The following KDR variants were observed in gnomAD, a reference collection of about 807,000 sequenced individuals.
KDR encodes the protein kinase insert domain receptor, also known as vascular endothelial growth factor receptor 2.
Under a neutral mutation model 160.9 loss-of-function variants are expected in KDR, and 43 were observed. That is an observed-to-expected ratio of 0.27 (90% CI 0.21 to 0.34). The LOEUF (loss-of-function observed/expected upper bound fraction) is 0.34. KDR is among the 10% of genes least tolerant of loss of function. The pLI, the probability that KDR is intolerant of heterozygous loss-of-function variation, is 1.00. For missense variants in KDR, 1,469 were observed against 1,666.4 expected, an observed-to-expected ratio of 0.88 and a Z score of 2.06; for synonymous variants, 617 against 600.1, an observed-to-expected ratio of 1.03 and a Z score of -0.41.
rs911643931 is a variant in KDR at position 55,078,910 on chromosome 4, G to T, written c.*1031C>A. 3 of 233,160 alleles carry T rather than the reference G, an allele frequency of 1.3e-5. No homozygotes were observed. The highest frequency in any genetic ancestry group is 6.6e-5 in the African/African-American group (3 of 45,350). 14.4% of individuals were successfully genotyped at this position (233,160 alleles called of 1,614,324 possible). A position where few individuals can be genotyped will look rare whatever the true frequency, so the allele number is the denominator to read the frequency against. ...GTAGAGGCCAAATAACTAAAATACT[G>T]ATGGGTTGCGGGGTGAGAGTGGGTT... On this transcript the variant is annotated 3_prime_UTR_variant, in exon 30 of 30. Coordinates refer to ENST00000263923, the MANE Select transcript of KDR (RefSeq NM_002253.4).
chr4:55,125,163 C>T, intron 1 of KDR, 64 bp downstream of exon 1: 3 of 1,454,738 alleles, frequency 2.1e-6, no homozygotes, highest in Non-Finnish European at 2.9e-6. Flanking sequence ...TTAGATCTGG[C>T]TTTCAGGTCC....
Position 55,081,968 on chromosome 4 carries a change from G to T in KDR, c.3836C>A (p.Ser1279Tyr), listed in dbSNP as rs1001071878. The T allele has an allele frequency of 4.3e-6, 7 of 1,609,992 alleles. No individual in the cohort carries two copies. In the South Asian group the frequency reaches 7.7e-5, roughly 18 times the overall value. ...LKTLEDRTKL[S>Y]PSFGGMVPSK... is the part of the protein sequence containing the mutation. ...GGCTGAGTCTTACCCAAAAGATGGAGATAATTTGGTTCTGTCTTCCAAAGT... is the reference window on the plus strand; with the variant it reads ...GGCTGAGTCTTACCCAAAAGATGGATATAATTTGGTTCTGTCTTCCAAAGT... The change falls in exon 29 of 30, where the codon TCT becomes TAT. Residue 1279 changes from serine to tyrosine, a missense_variant. Physicochemically the swap from Ser to Tyr is moderately radical, Grantham distance 144 (BLOSUM62 -2). Coordinates refer to ENST00000263923, the MANE Select transcript of KDR (RefSeq NM_002253.4).
At position 55,088,939 on chromosome 4, in the gene KDR, G is replaced by C. The variant is rs121917766; in HGVS notation, c.3439C>G (p.Pro1147Ala). The change falls in exon 26 of 30, where the codon CCC becomes GCC. Residue 1147 changes from proline (P) to alanine (A), a missense_variant. Physicochemically the swap from Pro to Ala is conservative, Grantham distance 27. This residue lies in a region of KDR where 132 missense variants were observed against 195.9 expected (regional missense o/e 0.67). Transcript: ENST00000263923. ...QTMLDCWHGE[P>A]SQRPTFSELV... The stretch of plus-strand genomic sequence containing the variant: ...TCTGAAAACGTGGGTCTCTGACTGG[G>C]CTCCCCGTGCCAGCAGTCCAGCATG... The C allele has an allele frequency of 3.1e-6, 5 of 1,613,888 alleles. No homozygotes were observed. In the African/African-American group the frequency reaches 4.0e-5, roughly 13 times the overall value.
intron 27 of KDR, among the ~76,000 whole-genome samples, chr4:55,083,820 G>A (rs1719794227): frequency 6.6e-6 from 1 of 152,188 alleles, no homozygotes; most frequent in Non-Finnish European, 1.5e-5. Flanking sequence ...AGAGAGGAGA[G>A]AATGAGATTT....
intron 14 of KDR, 80 bp downstream of exon 14, chr4:55,102,282 A>C (rs952901772): frequency 6.6e-7 from 1 of 1,512,688 alleles, no homozygotes; most frequent in Admixed American, 1.7e-5. Context: ...TCTACATTAC[A>C]TCAAGAAATA....
At chr4:55,116,636 A>G (rs1720742366) in intron 3 of KDR, among the ~76,000 whole-genome samples, 1 of 152,118 alleles carries the variant, frequency 6.6e-6, no homozygotes, top group African/African-American at 2.4e-5. Flanking sequence ...GTGAAGAAAG[A>G]GTTAATTAAA....
intron 22 of KDR, among the ~76,000 whole-genome samples, chr4:55,091,901 G>A (rs1250196843): frequency 1.3e-5 from 2 of 152,102 alleles, no homozygotes; most frequent in Non-Finnish European, 1.5e-5. Context: ...AACTTGTCAC[G>A]TCCCCATCTC....
In KDR at chr4:55,110,690, G is replaced by C. The variant is rs151317075; in HGVS notation, c.1055C>G (p.Ala352Gly). 3.1e-6 allele frequency: 5 copies of C among 1,613,192 alleles called. No homozygotes were observed. The highest frequency in any genetic ancestry group is 4.2e-6 in the Non-Finnish European group (5 of 1,179,846). ...TGGGGGTGGGTAACCAAGGTACTTC[G>C]CAGGGATTCTGACACGCTCCCCCAC... ...ATVGERVRIPAKYLGYPPPEI... is the reference protein window; with the variant it reads ...ATVGERVRIPGKYLGYPPPEI... Residue 352 changes from alanine (A) to glycine (G), a missense_variant, in exon 8 of 30, where the codon GCG becomes GGG. Ala to Gly is a moderately conservative substitution (Grantham distance 60). Coordinates refer to ENST00000263923, the MANE Select transcript of KDR (RefSeq NM_002253.4).
chr4:55,104,461 T>C lies in KDR; in HGVS notation c.1987+182A>G, dbSNP rs367709043. ...ATCATCAGGTTTTGTTATTTTCTCC[T>C]TTCGATATATCATTTCATTATTATT... is the stretch of plus-strand genomic sequence containing the variant. On this transcript the variant is annotated intron_variant, in intron 13 of 29. Transcript: ENST00000263923. 8.1e-5 allele frequency: 52 copies of C among 643,344 alleles called. No individual in the cohort carries two copies. The African/African-American group carries it at 8.5e-4, about 10-fold the overall frequency. The allele number at this position is 643,344 out of a possible 1,614,324, so 39.9% of individuals were successfully genotyped here.
At chr4:55,097,234 A>G (rs1720181577) in intron 18 of KDR, among the ~76,000 whole-genome samples, 1 of 152,182 alleles carries the variant, frequency 6.6e-6, no homozygotes, top group Admixed American at 6.6e-5. Flanking sequence ...TTACATATGA[A>G]CATCTTTTAC....
chr4:55,115,424 T>A lies in KDR; in HGVS notation c.359-13A>T. 1.4e-6 allele frequency: 2 copies of A among 1,393,398 alleles called. No individual in the cohort carries two copies. Among genetic ancestry groups the A allele is most frequent in the Non-Finnish European group, 2.0e-6 (2 of 979,744 alleles). 86.3% of individuals were successfully genotyped at this position (1,393,398 alleles called of 1,614,324 possible). ...GGAGATCTGTAATCTAGAAGAAAAT[T>A]TAGTTTTATTAATGAGTTAATAGTA... On this transcript the variant is annotated splice_polypyrimidine_tract_variant and intron_variant, in intron 3 of 29. Coordinates refer to ENST00000263923, the MANE Select transcript of KDR (RefSeq NM_002253.4).
intron 13 of KDR, 94 bp from the exon 14 acceptor site, chr4:55,102,602 A>C: frequency 7.4e-7 from 1 of 1,356,526 alleles, no homozygotes; most frequent in South Asian, 1.2e-5. Context: ...AAATTTAGTA[A>C]AAAGGAACTT....
chr4:55,122,055 C>T (rs2110037011), intron 1 of KDR, among the ~76,000 whole-genome samples: 2 of 152,106 alleles, frequency 1.3e-5, no homozygotes, highest in Admixed American at 1.3e-4. Flanking sequence ...TTTTTAAGTG[C>T]AATGCTAATG....
intron 15 of KDR, among the ~76,000 whole-genome samples, chr4:55,100,068 T>C (rs1720270334): frequency 6.6e-6 from 1 of 152,042 alleles, no homozygotes; most frequent in South Asian, 2.1e-4. Flanking sequence ...AGCAAAGAGA[T>C]GATAAGGAAG....
At chr4:55,114,417 T>G (rs1720682119) in intron 5 of KDR, 152 bp from the exon 6 acceptor site, 1 of 778,224 alleles carries the variant, frequency 1.3e-6, no homozygotes, top group South Asian at 1.6e-5. Flanking sequence ...CCCAGGAAAA[T>G]GGCCAACAGA....
intron 3 of KDR, 45 bp downstream of exon 3, chr4:55,118,558 TA>T: frequency 1.4e-6 from 2 of 1,464,362 alleles, no homozygotes; most frequent in South Asian, 1.1e-5. Flanking sequence ...TTGTCTTTTA[TA>T]ACTGGTAAAG....
chr4:55,092,137 G>A (rs1578129387), intron 22 of KDR, among the ~76,000 whole-genome samples: 2 of 152,056 alleles, frequency 1.3e-5, no homozygotes, highest in African/African-American at 2.4e-5. Flanking sequence ...AGCCTTCCTC[G>A]TCTACCTTGT....
Position 55,094,930 on chromosome 4 carries a change from C to T in KDR, c.2843G>A (p.Gly948Glu), listed in dbSNP as rs2110015330. 6.2e-7 allele frequency: 1 copy of T among 1,613,972 alleles called. No homozygotes were observed. The highest frequency in any genetic ancestry group is 8.5e-7 in the Non-Finnish European group (1 of 1,179,896). Residue 948 changes from glycine to glutamate, a missense_variant, in exon 21 of 30, where the codon GGG becomes GAG. Gly to Glu is a moderately conservative substitution (Grantham distance 98). This residue lies in a region of KDR where 151 missense variants were observed against 207.2 expected (regional missense o/e 0.73). Transcript: ENST00000263923. ...AGGGATTGCTCCAACGTAGTCTTTC[C>T]CTTGACGGAATCGTGCCCCTTTGGT... Reference protein sequence around the residue: ...YKTKGARFRQGKDYVGAIPVD... With the variant: ...YKTKGARFRQEKDYVGAIPVD...
intron 15 of KDR, among the ~76,000 whole-genome samples, 170 bp from the exon 16 acceptor site, chr4:55,098,973 T>G (rs1012261161): frequency 1.0e-4 from 15 of 150,376 alleles, no homozygotes; most frequent in African/African-American, 3.7e-4. Flanking sequence ...GAATTCTTTT[T>G]TTGAATTTAA....
Sources: gnomAD v4.1 joint callset for allele counts (sites outside exome capture counted in the v4.1 genomes callset) on GRCh38, gnomAD v4.1.1 for gene constraint, gnomAD v4.1.1 regional missense constraint, MANE v1.5 for transcripts, NCBI Gene and HGNC (gene_info 2026-07-23, HGNC 2026-07-21) for gene names.